NOVA1: variants seen among roughly 807,000 people sequenced by gnomAD.
The protein encoded by NOVA1 is NOVA alternative splicing regulator 1.
Under a neutral mutation model 38.0 loss-of-function variants are expected in NOVA1, and 7 were observed. That is an observed-to-expected ratio of 0.18 (90% CI 0.10 to 0.35). The LOEUF is 0.35. Ranked by LOEUF, NOVA1 falls within the 10% of genes least tolerant of loss-of-function variation. NOVA1 has a pLI of 1.00. For missense variants in NOVA1, 460 were observed against 616.0 expected, an observed-to-expected ratio of 0.75 and a Z score of 2.68; for synonymous variants, 270 against 232.5, an observed-to-expected ratio of 1.16 and a Z score of -1.47.
intron 3 of NOVA1, chr14:26,479,679 CA>C: frequency 5.5e-6 from 2 of 365,260 alleles, no homozygotes; most frequent in Non-Finnish European, 9.7e-6. Flanking sequence ...TAATTTTAAA[CA>C]GATTCAATTC....
chr14:26,499,419 GT>G (rs1887085286), intron 2 of NOVA1, among the ~76,000 whole-genome samples: 1 of 152,110 alleles, frequency 6.6e-6, no homozygotes, highest in Non-Finnish European at 1.5e-5. Context: ...CAGCAAATTG[GT>G]TTTCCTTCTG....
intron 2 of NOVA1, among the ~76,000 whole-genome samples, chr14:26,499,331 C>G (rs1887079109): frequency 6.6e-6 from 1 of 151,698 alleles, no homozygotes; most frequent in Non-Finnish European, 1.5e-5. Context: ...TAAATAAACA[C>G]AAATAAGGGT....
chr14:26,508,346 A>C lies in NOVA1; in HGVS notation c.281-28203T>G, dbSNP rs1400577350. On this transcript the variant is annotated intron_variant, in intron 2 of 4. Transcript: ENST00000539517. The stretch of plus-strand genomic sequence containing the variant: ...GTATTTCTTGAAAAGTGAAAGAGTA[A>C]GTATGTTCTTGCTTTCAGTAGCTTC... Among the ~76,000 whole-genome samples the C allele has an allele frequency of 3.9e-5, 6 of 152,148 alleles. No homozygotes were observed. The East Asian group carries it at 1.2e-3, about 29-fold the overall frequency.
At chr14:26,580,133 A>C (rs1893121064) in intron 2 of NOVA1, among the ~76,000 whole-genome samples, 1 of 152,066 alleles carries the variant, frequency 6.6e-6, no homozygotes, top group Non-Finnish European at 1.5e-5. Context: ...CTATATTATT[A>C]AACATTTAGC....
intron 4 of NOVA1, among the ~76,000 whole-genome samples, chr14:26,466,269 C>A (rs1230058516): frequency 6.6e-6 from 1 of 152,068 alleles, no homozygotes; most frequent in South Asian, 2.1e-4. Flanking sequence ...TTAACTAAGG[C>A]CATTTTTGAC....
chr14:26,498,123 G>T (rs533833422), intron 2 of NOVA1, among the ~76,000 whole-genome samples: 23 of 152,110 alleles, frequency 1.5e-4, no homozygotes, highest in South Asian at 1.2e-3. Context: ...GTAGTGGTGC[G>T]ATCTCAGCTC....
At chr14:26,506,443 A>G (rs1887642976) in intron 2 of NOVA1, among the ~76,000 whole-genome samples, 1 of 152,228 alleles carries the variant, frequency 6.6e-6, no homozygotes, top group Non-Finnish European at 1.5e-5. Context: ...GCTTAGTCAA[A>G]GTAAGGCCAC....
At chr14:26,470,892 T>C (rs1884536128) in intron 4 of NOVA1, among the ~76,000 whole-genome samples, 1 of 152,076 alleles carries the variant, frequency 6.6e-6, no homozygotes, top group African/African-American at 2.4e-5. Flanking sequence ...ACAAAAGAAA[T>C]ATTAAAAACA....
At chr14:26,482,004 A>AAC (rs1173885977) in intron 2 of NOVA1, among the ~76,000 whole-genome samples, 5 of 150,852 alleles carry the variant, frequency 3.3e-5, no homozygotes, top group Admixed American at 6.6e-5. Flanking sequence ...AAAAAAAAAA[A>AAC]AAAAAAAAAA....
rs183099014 is a variant in NOVA1 at position 26,527,786 on chromosome 14, T to C, written c.281-47643A>G. ...AGACGGACTATTTCACACATGTCGA[T>C]TTCTCAAATGTACCCAATCAGACAA... On this transcript the variant is annotated intron_variant, in intron 2 of 4. Coordinates refer to ENST00000539517, the MANE Select transcript of NOVA1 (RefSeq NM_002515.3). Among the ~76,000 whole-genome samples the C allele has an allele frequency of 3.4e-3, 515 of 152,296 alleles. 2 individuals are homozygous for C. The highest frequency in any genetic ancestry group is 5.9e-3 in the Non-Finnish European group (404 of 68,022).
At chr14:26,476,300 C>A (rs1428396958) in intron 3 of NOVA1, among the ~76,000 whole-genome samples, 1 of 152,112 alleles carries the variant, frequency 6.6e-6, no homozygotes, top group South Asian at 2.1e-4. Context: ...CAAGAGAGAA[C>A]AAACAGCATA....
rs1365512404 is a variant in NOVA1, at chr14:26,545,025, T to C, written c.280+50385A>G. ...AATCCAAATTGCTTTACTTAAGGAG[T>C]AGCACTCATATTATATATGTTGTGA... On this transcript the variant is annotated intron_variant, in intron 2 of 4. Transcript: ENST00000539517. Among the ~76,000 whole-genome samples, 4 of 151,946 alleles carry C rather than the reference T, an allele frequency of 2.6e-5. No homozygotes were observed. In the East Asian group the frequency reaches 7.7e-4, roughly 29 times the overall value.
At chr14:26,459,436 G>T (rs186779360) in intron 4 of NOVA1, among the ~76,000 whole-genome samples, 5 of 152,170 alleles carry the variant, frequency 3.3e-5, no homozygotes, top group African/African-American at 7.2e-5. Flanking sequence ...CCAGGTTTGT[G>T]TAAGTACATT....
At chr14:26,456,856 A>G (rs1883221871) in intron 4 of NOVA1, among the ~76,000 whole-genome samples, 1 of 151,948 alleles carries the variant, frequency 6.6e-6, no homozygotes, top group Non-Finnish European at 1.5e-5. Flanking sequence ...ACTAAATGTC[A>G]TATACAAAGG....
chr14:26,529,283 G>A (rs1457447429), intron 2 of NOVA1, among the ~76,000 whole-genome samples: 7 of 151,746 alleles, frequency 4.6e-5, no homozygotes, highest in African/African-American at 9.7e-5. Flanking sequence ...GATTACAAGC[G>A]CCCACCACCA....
chr14:26,575,718 C>T (rs2138741565), intron 2 of NOVA1, among the ~76,000 whole-genome samples: 1 of 151,808 alleles, frequency 6.6e-6, no homozygotes, highest in Admixed American at 6.6e-5. Context: ...ATATCATTTA[C>T]CAGTAAGACA....
intron 2 of NOVA1, among the ~76,000 whole-genome samples, chr14:26,552,931 A>G (rs1323536923): frequency 6.6e-6 from 1 of 152,198 alleles, no homozygotes; most frequent in South Asian, 2.1e-4. Context: ...AGATAGGAAC[A>G]TGCGATCAAA....
intron 2 of NOVA1, among the ~76,000 whole-genome samples, chr14:26,492,757 A>G (rs1013701205): frequency 1.3e-5 from 2 of 151,820 alleles, no homozygotes; most frequent in African/African-American, 4.8e-5. Flanking sequence ...ACTTGAAGTC[A>G]GGAGTTCAAG....
At chr14:26,543,555 A>G (rs1480195806) in intron 2 of NOVA1, among the ~76,000 whole-genome samples, 1 of 152,026 alleles carries the variant, frequency 6.6e-6, no homozygotes, top group Admixed American at 6.6e-5. Flanking sequence ...CAAGACCAAT[A>G]AAGACTTTAC....
Sources: allele counts gnomAD v4.1 joint callset (sites outside exome capture counted in the v4.1 genomes callset), GRCh38; gene constraint gnomAD v4.1.1; transcripts MANE v1.5; gene names NCBI Gene and HGNC (gene_info 2026-07-23, HGNC 2026-07-21).